Variants in FAM171A2 observed in about 807,000 individuals in gnomAD.
FAM171A2 encodes protein FAM171A2.
FAM171A2 carries 13 observed loss-of-function variants against 34.2 expected under a neutral mutation model. The observed-to-expected ratio is 0.38, with a 90% confidence interval of 0.25 to 0.60. The LOEUF is 0.60. Ranked by LOEUF, FAM171A2 falls within the 20% of genes least tolerant of loss-of-function variation. The pLI, the probability that FAM171A2 is intolerant of heterozygous loss-of-function variation, is 0.62. For synonymous variants in FAM171A2, 475 were observed against 561.2 expected, an observed-to-expected ratio of 0.85 and a Z score of 2.17; for missense variants, 950 against 1,180.7, an observed-to-expected ratio of 0.80 and a Z score of 2.86.
rs562178700 is a variant in FAM171A2 at position 44,355,327 on chromosome 17, T to C, written c.1023-136A>G. 4 of 1,415,682 alleles carry C rather than the reference T, an allele frequency of 2.8e-6. No individual in the cohort carries two copies. The South Asian group carries it at 4.4e-5, about 16-fold the overall frequency. 87.7% of individuals were successfully genotyped at this position (1,415,682 alleles called of 1,614,324 possible). A position where few individuals can be genotyped will look rare whatever the true frequency, so the allele number is the denominator to read the frequency against. On this transcript the variant is annotated intron_variant, in intron 7 of 7. Coordinates refer to ENST00000293443, the MANE Select transcript of FAM171A2 (RefSeq NM_198475.3). The surrounding 1 kb of genome is among the most constrained non-coding windows in gnomAD (Gnocchi z 4.1). The stretch of plus-strand genomic sequence containing the variant: ...GAATGCCTGGGGCGCTCAGGAGAGA[T>C]GGCGGGGAGCCGCCGTGTCCGTTTG...
At chr17:44,361,477 G>A (rs1397251144) in intron 1 of FAM171A2, among the ~76,000 whole-genome samples, 1 of 152,178 alleles carries the variant, frequency 6.6e-6, no homozygotes, top group Non-Finnish European at 1.5e-5. Flanking sequence ...GAGACTTCAA[G>A]GAGAGGGAAG....
At chr17:44,357,321 T>G (rs2048428672) in intron 3 of FAM171A2, among the ~76,000 whole-genome samples, 1 of 143,086 alleles carries the variant, frequency 7.0e-6, no homozygotes, top group African/African-American at 2.6e-5. Flanking sequence ...CACTCCTGTC[T>G]GGGCATCAAG....
chr17:44,357,374 C>T (rs1039000891), intron 3 of FAM171A2, among the ~76,000 whole-genome samples: 3 of 146,148 alleles, frequency 2.1e-5, no homozygotes, highest in Non-Finnish European at 4.5e-5. Flanking sequence ...AAAGGCCGAG[C>T]GCGGTGGCTC....
chr17:44,358,021 C>T (rs1384391794), intron 3 of FAM171A2, among the ~76,000 whole-genome samples: 1 of 152,192 alleles, frequency 6.6e-6, no homozygotes, highest in Non-Finnish European at 1.5e-5. Context: ...GGCTCCAGGC[C>T]CATCCTCTGC....
chr17:44,356,626 A>C, intron 3 of FAM171A2, 38 bp from the exon 4 acceptor site: 1 of 1,507,944 alleles, frequency 6.6e-7, no homozygotes. Context: ...TTGACCATGG[A>C]CAGGGATCCC....
At chr17:44,357,085 T>C (rs1487729359) in intron 3 of FAM171A2, among the ~76,000 whole-genome samples, 1 of 152,130 alleles carries the variant, frequency 6.6e-6, no homozygotes, top group Non-Finnish European at 1.5e-5. Flanking sequence ...CAGTGGCTCA[T>C]GCCTATAATC....
Position 44,353,858 on chromosome 17 carries a change from G to A in FAM171A2, c.2356C>T (p.Arg786Trp), listed in dbSNP as rs2048404180. Residue 786 changes from arginine to tryptophan, a missense_variant, in exon 8 of 8, where the codon CGG becomes TGG. Physicochemically the swap from Arg to Trp is moderately radical, Grantham distance 101. Transcript: ENST00000293443. ...TCCGGGCTGGTGAGCGAGTCGCGCC[G>A]CAGCTCGCTGGCGCTGCTGCGGGAG... ...DSSRSSASEL[R>W]RDSLTSPEDE... is the part of the protein sequence containing the mutation. The A allele has an allele frequency of 3.3e-5, 45 of 1,382,208 alleles. No homozygotes were observed. The highest frequency in any genetic ancestry group is 4.0e-5 in the Non-Finnish European group (43 of 1,067,012). The allele number at this position is 1,382,208 out of a possible 1,614,324, so 85.6% of individuals were successfully genotyped here. A position where few individuals can be genotyped will look rare whatever the true frequency, so the allele number is the denominator to read the frequency against.
In FAM171A2 at chr17:44,355,148, G is replaced by A; in HGVS notation, c.1066C>T (p.Leu356Phe). 1 of 1,551,024 alleles carries A rather than the reference G, an allele frequency of 6.4e-7. No individual in the cohort carries two copies. Among genetic ancestry groups the A allele is most frequent in the Non-Finnish European group, 8.7e-7 (1 of 1,146,928 alleles). The change falls in exon 8 of 8, where the codon CTC (leucine) becomes TTC (phenylalanine). Residue 356 changes from leucine (L) to phenylalanine (F), a missense_variant. By Grantham distance (22) the Leu-to-Phe change is conservative (BLOSUM62 0). Transcript: ENST00000293443. The surrounding 1 kb of genome is among the most constrained non-coding windows in gnomAD (Gnocchi z 4.1). ...KPRQQHRKLQ[L>F]SGPSDGNKRD... is the part of the protein sequence containing the mutation. Reference sequence around the variant, plus strand: ...TTGTTACCGTCAGAGGGCCCCGAGAGCTGCAGCTTGCGGTGCTGTTGCCTC... The same window carrying A: ...TTGTTACCGTCAGAGGGCCCCGAGAACTGCAGCTTGCGGTGCTGTTGCCTC...
At position 44,357,730 on chromosome 17, in the gene FAM171A2, C is replaced by CGTGTGTGTGT. The variant is rs141824631; in HGVS notation, c.440-1152_440-1143dup. 9.0e-3 allele frequency among the ~76,000 whole-genome samples: 1,289 copies of CGTGTGTGTGT among 143,336 alleles called. 37 individuals are homozygous for CGTGTGTGTGT. Among genetic ancestry groups the CGTGTGTGTGT allele is most frequent in the African/African-American group, 0.031 (1,163 of 38,042 alleles). The allele number at this position is 143,336 out of a possible 152,430, so 94.0% of individuals were successfully genotyped here. On this transcript the variant is annotated intron_variant, in intron 3 of 7. Transcript: ENST00000293443. ...GGCTACTGCATTAGACAGTTTAGGT[C>CGTGTGTGTGT]GTGTGTGTGTGTGTGTGTGTGTGTG...
At position 44,354,039 on chromosome 17, in the gene FAM171A2, C is replaced by T. The variant is rs1315632625; in HGVS notation, c.2175G>A (p.Ala725=). The T allele has an allele frequency of 4.3e-6, 5 of 1,163,992 alleles. No individual in the cohort carries two copies. Among genetic ancestry groups the T allele is most frequent in the Non-Finnish European group, 5.3e-6 (5 of 944,794 alleles). 72.1% of individuals were successfully genotyped at this position (1,163,992 alleles called of 1,614,324 possible). ...TGCTGGGCTCCGTGTCCTCGCTGAG[C>T]GCCAGGCGCGGGGGCGCGGGCGGCG... is the stretch of plus-strand genomic sequence containing the variant. ...PPPPPAPPRL[A]LSEDTEPSSS... is the part of the protein sequence containing the mutation. The change falls in exon 8 of 8, where the codon GCG becomes GCA. Residue 725 remains alanine, a synonymous_variant. Coordinates refer to ENST00000293443, the MANE Select transcript of FAM171A2 (RefSeq NM_198475.3). This position sits in a 1 kb window ranked among gnomAD's most constrained non-coding sequence, Gnocchi z 5.8.
Position 44,355,095 on chromosome 17 carries a change from C to T in FAM171A2, c.1119G>A (p.Gln373=), listed in dbSNP as rs1474193705. The change falls in exon 8 of 8, where the codon CAG becomes CAA. Residue 373 remains glutamine (Q), a synonymous_variant. Transcript: ENST00000293443. This position sits in a 1 kb window ranked among gnomAD's most constrained non-coding sequence, Gnocchi z 4.1. ...GGGGTCCCCCACAGATGAGGTGGAG[C>T]TGGGACATCGAGGTGGCCTGGTCTC... ...NKRDQATSMS[Q]LHLICGGPLE... 1 of 1,550,802 alleles carries T rather than the reference C, an allele frequency of 6.4e-7. No individual in the cohort carries two copies. The highest frequency in any genetic ancestry group is 1.2e-5 in the South Asian group (1 of 84,048).
intron 1 of FAM171A2, among the ~76,000 whole-genome samples, chr17:44,360,911 C>T (rs2143385751): frequency 6.6e-6 from 1 of 152,352 alleles, no homozygotes; most frequent in South Asian, 2.1e-4. Context: ...TGCCTCCTCC[C>T]CCTCACATGA....
Position 44,354,989 on chromosome 17 carries a change from C to T in FAM171A2, c.1225G>A (p.Ala409Thr). ...HSAFSSSRDL[A>T]SSRDDFFRTK... Reference sequence around the variant, plus strand: ...CGGAAGAAGTCATCCCGGGAGGAGGCCAAGTCCCGGGAGCTGGAGAAGGCC... The same window carrying T: ...CGGAAGAAGTCATCCCGGGAGGAGGTCAAGTCCCGGGAGCTGGAGAAGGCC... Residue 409 changes from alanine (A) to threonine (T), a missense_variant, in exon 8 of 8, where the codon GCC becomes ACC. Around this residue, in one of 3 missense-constraint regions of FAM171A2, gnomAD observed 752 missense variants for 924.5 expected, o/e 0.81. Transcript: ENST00000293443. The surrounding 1 kb of genome is among the most constrained non-coding windows in gnomAD (Gnocchi z 5.8). 2 of 1,487,786 alleles carry T rather than the reference C, an allele frequency of 1.3e-6. No individual in the cohort carries two copies. The highest frequency in any genetic ancestry group is 2.5e-5 in the East Asian group (1 of 40,290). 92.2% of individuals were successfully genotyped at this position (1,487,786 alleles called of 1,614,324 possible). A position where few individuals can be genotyped will look rare whatever the true frequency, so the allele number is the denominator to read the frequency against.
In FAM171A2 at chr17:44,354,008, C is replaced by G; in HGVS notation, c.2206G>C (p.Glu736Gln). 1 of 1,208,812 alleles carries G rather than the reference C, an allele frequency of 8.3e-7. No homozygotes were observed. Among genetic ancestry groups the G allele is most frequent in the Non-Finnish European group, 1.0e-6 (1 of 973,006 alleles). 74.9% of individuals were successfully genotyped at this position (1,208,812 alleles called of 1,614,324 possible). Reference protein sequence around the residue: ...LSEDTEPSSSESRTGLCSPED... With the variant: ...LSEDTEPSSSQSRTGLCSPED... The stretch of plus-strand genomic sequence containing the variant: ...GGAGAGCAGAGGCCCGTGCGGCTCT[C>G]GCTGCTGCTGGGCTCCGTGTCCTCG... The change falls in exon 8 of 8, where the codon GAG becomes CAG. Residue 736 changes from glutamate to glutamine, a missense_variant. By Grantham distance (29) the Glu-to-Gln change is conservative (BLOSUM62 2). Transcript: ENST00000293443. This position sits in a 1 kb window ranked among gnomAD's most constrained non-coding sequence, Gnocchi z 5.8.
At chr17:44,363,546 T>C in intron 1 of FAM171A2, 51 bp downstream of exon 1, 6 of 901,182 alleles carry the variant, frequency 6.7e-6, no homozygotes, top group Middle Eastern at 2.5e-4. Flanking sequence ...GGCGGGAGCC[T>C]GATCAGGGGG....
In FAM171A2 at chr17:44,363,664, C is replaced by A; in HGVS notation, c.51G>T (p.Leu17=). Residue 17 remains leucine, a synonymous_variant, in exon 1 of 8, where the codon CTG becomes CTT. Coordinates refer to ENST00000293443, the MANE Select transcript of FAM171A2 (RefSeq NM_198475.3). ...GGGAGGCGCTGCCGAGCAGCAGCCC[C>A]AGCAGCGGCAACAGCCGCGCGAGGA... ...PSVLARLLPL[L]GLLLGSASRA... The A allele has an allele frequency of 8.1e-7, 1 of 1,227,168 alleles. No homozygotes were observed. The highest frequency in any genetic ancestry group is 4.0e-5 in the South Asian group (1 of 25,156). The allele number at this position is 1,227,168 out of a possible 1,614,324, so 76.0% of individuals were successfully genotyped here.
chr17:44,354,206 A>G lies in FAM171A2; in HGVS notation c.2008T>C (p.Tyr670His). 7.0e-7 allele frequency: 1 copy of G among 1,420,094 alleles called. No individual in the cohort carries two copies. Among genetic ancestry groups the G allele is most frequent in the Non-Finnish European group, 9.3e-7 (1 of 1,076,488 alleles). 88.0% of individuals were successfully genotyped at this position (1,420,094 alleles called of 1,614,324 possible). ...GRSNSQVRHS[Y>H]IDLQAGGGAR... ...CCGCCGCCCGCCTGCAGGTCGATGT[A>G]AGAGTGGCGCACTTGCGAGTTGGAG... The change falls in exon 8 of 8, where the codon TAC (tyrosine) becomes CAC (histidine). Residue 670 changes from tyrosine (Y) to histidine (H), a missense_variant. This residue lies in a region of FAM171A2 where 7 missense variants were observed against 33.4 expected (regional missense o/e 0.21). Transcript: ENST00000293443. The surrounding 1 kb of genome is among the most constrained non-coding windows in gnomAD (Gnocchi z 5.8).
chr17:44,354,160 C>G lies in FAM171A2; in HGVS notation c.2054G>C (p.Ser685Thr). The G allele has an allele frequency of 1.6e-6, 2 of 1,269,424 alleles. No individual in the cohort carries two copies. The highest frequency in any genetic ancestry group is 2.0e-6 in the Non-Finnish European group (2 of 1,000,898). The allele number at this position is 1,269,424 out of a possible 1,614,324, so 78.6% of individuals were successfully genotyped here. ...GTGGACATCTACGCCCGAGTCCAGG[C>G]TGGCGTCGGTGCTGCGTGCCCCGCC... is the stretch of plus-strand genomic sequence containing the variant. ...AGGGARSTDA[S>T]LDSGVDVHEA... The change falls in exon 8 of 8, where the codon AGC becomes ACC. Residue 685 changes from serine to threonine, a missense_variant. This residue lies in a region of FAM171A2 where 191 missense variants were observed against 222.8 expected (regional missense o/e 0.86). Transcript: ENST00000293443. The surrounding 1 kb of genome is among the most constrained non-coding windows in gnomAD (Gnocchi z 5.8).
intron 1 of FAM171A2, 47 bp downstream of exon 1, chr17:44,363,550 C>A: frequency 2.1e-6 from 2 of 948,060 alleles, no homozygotes; most frequent in Non-Finnish European, 2.7e-6. Flanking sequence ...GGAGCCTGAT[C>A]AGGGGGCGCA....
Sources: gnomAD v4.1 joint callset for allele counts (sites outside exome capture counted in the v4.1 genomes callset) on GRCh38, gnomAD v4.1.1 for gene constraint, gnomAD v4.1.1 regional missense constraint, Gnocchi (gnomAD v3.1) non-coding constraint, MANE v1.5 for transcripts, NCBI Gene and HGNC (gene_info 2026-07-23, HGNC 2026-07-21) for gene names.